NIBAN2: variants seen among roughly 807,000 people sequenced by gnomAD.
NIBAN2 encodes niban apoptosis regulator 2, also known as protein Niban 2.
A neutral mutation model predicts 81.8 loss-of-function variants in NIBAN2; 36 were observed. That is an observed-to-expected ratio of 0.44 (90% CI 0.34 to 0.58). The LOEUF (loss-of-function observed/expected upper bound fraction) is 0.58, where lower values mean the gene tolerates loss of function less well. NIBAN2 is among the 20% of genes least tolerant of loss of function. NIBAN2 has a pLI of 0.02. For missense variants in NIBAN2, 897 were observed against 1,014.1 expected (o/e 0.88, Z 1.57); for synonymous variants, 445 against 441.6 (o/e 1.01, Z -0.10).
rs557779254 is a variant in NIBAN2, at chr9:127,545,418, G to C, written c.56-13640C>G. 2.6e-5 allele frequency among the ~76,000 whole-genome samples: 4 copies of C among 152,160 alleles called. No individual in the cohort carries two copies. Among genetic ancestry groups the C allele is most frequent in the African/African-American group, 9.6e-5 (4 of 41,456 alleles). On this transcript the variant is annotated intron_variant, in intron 1 of 13. Transcript: ENST00000373312. The surrounding 1 kb of genome is among the most constrained non-coding windows in gnomAD (Gnocchi z 4.7). ...AGCACCCAGCTCCCGCCAGGCCCAG[G>C]GGGGTGCTTGATAAACAAGTGCCGA...
chr9:127,525,013 G>A (rs776545662), intron 4 of NIBAN2, 45 bp downstream of exon 4: 1 of 1,481,988 alleles, frequency 6.7e-7, no homozygotes, highest in Non-Finnish European at 9.4e-7. Context: ...GCCAGCTCCA[G>A]ATGCCTGTGC....
intron 4 of NIBAN2, among the ~76,000 whole-genome samples, chr9:127,524,491 C>G (rs576910122): frequency 1.3e-5 from 2 of 152,216 alleles, no homozygotes; most frequent in South Asian, 4.1e-4. Flanking sequence ...TTTGTAGACA[C>G]TGAAGAGGCT....
At chr9:127,573,086 G>A (rs940655868), upstream of NIBAN2, among the ~76,000 whole-genome samples, 9 of 152,136 alleles carry the variant, frequency 5.9e-5, no homozygotes, top group African/African-American at 1.4e-4. Flanking sequence ...ATATTCCATT[G>A]TATGTATACA....
intron 1 of NIBAN2, among the ~76,000 whole-genome samples, chr9:127,533,612 C>G (rs139835356): frequency 5.9e-5 from 9 of 152,126 alleles, no homozygotes; most frequent in Non-Finnish European, 1.3e-4. Context: ...CCAGCCTGGG[C>G]GACAGAGCGA....
At chr9:127,518,205 C>T (rs924855901) in intron 5 of NIBAN2, among the ~76,000 whole-genome samples, 2 of 152,230 alleles carry the variant, frequency 1.3e-5, no homozygotes, top group Admixed American at 6.5e-5. Context: ...CACCCCAAGA[C>T]CTGGGCACTA....
At chr9:127,509,551 A>G (rs2132152152) in intron 9 of NIBAN2, among the ~76,000 whole-genome samples, 1 of 152,116 alleles carries the variant, frequency 6.6e-6, no homozygotes, top group East Asian at 1.9e-4. Flanking sequence ...CCCATTTCAG[A>G]GTATAAAGGA....
chr9:127,552,694 T>TG (rs1348941394), intron 1 of NIBAN2, among the ~76,000 whole-genome samples: 2 of 141,632 alleles, frequency 1.4e-5, no homozygotes, highest in East Asian at 4.1e-4. Context: ...GTTTTTTTTT[T>TG]TTTTTTTTTT....
intron 8 of NIBAN2, among the ~76,000 whole-genome samples, chr9:127,513,035 C>G (rs946518871): frequency 3.3e-5 from 5 of 152,018 alleles, no homozygotes; most frequent in Admixed American, 3.3e-4. Flanking sequence ...ACTATTCAGC[C>G]GTAAAAAAGA....
At chr9:127,512,590 T>G (rs1377794465) in intron 8 of NIBAN2, among the ~76,000 whole-genome samples, 2 of 152,178 alleles carry the variant, frequency 1.3e-5, no homozygotes, top group African/African-American at 4.8e-5. Context: ...CCGGCCCATT[T>G]TACGTATGTT....
intron 3 of NIBAN2, among the ~76,000 whole-genome samples, chr9:127,526,743 CACCT>C (rs1837073461): frequency 6.6e-6 from 1 of 152,160 alleles, no homozygotes; most frequent in Non-Finnish European, 1.5e-5. Context: ...CCTTCTCGGA[CACCT>C]ACCCACCTGT....
At chr9:127,549,082 A>T (rs1201715010) in intron 1 of NIBAN2, among the ~76,000 whole-genome samples, 1 of 151,956 alleles carries the variant, frequency 6.6e-6, no homozygotes, top group Admixed American at 6.6e-5. Flanking sequence ...ACCCTGCCTG[A>T]CTCCCAGGAA....
chr9:127,562,556 T>C (rs944709065), intron 1 of NIBAN2, among the ~76,000 whole-genome samples: 4 of 152,116 alleles, frequency 2.6e-5, no homozygotes, highest in African/African-American at 9.7e-5. Flanking sequence ...GAGGCCATGG[T>C]CATCAGTCCC....
At chr9:127,540,494 GTGCTAAGCATTT>G (rs779371296) in intron 1 of NIBAN2, among the ~76,000 whole-genome samples, 1 of 152,226 alleles carries the variant, frequency 6.6e-6, no homozygotes, top group Non-Finnish European at 1.5e-5. Flanking sequence ...TGCCGCTCCT[GTGCTAAGCATTT>G]TGCTTGGACA....
chr9:127,531,544 A>T, intron 2 of NIBAN2, 104 bp downstream of exon 2: 2 of 1,118,822 alleles, frequency 1.8e-6, no homozygotes, highest in Non-Finnish European at 2.6e-6. Context: ...AGAGGCCATC[A>T]CAGTAACAAT....
chr9:127,555,630 T>G (rs1408023326), intron 1 of NIBAN2, among the ~76,000 whole-genome samples: 1 of 152,182 alleles, frequency 6.6e-6, no homozygotes, highest in East Asian at 1.9e-4. Flanking sequence ...GACGAGATCC[T>G]GAGGCCCCAG....
chr9:127,530,809 GA>G (rs1837164369), intron 2 of NIBAN2, among the ~76,000 whole-genome samples: 1 of 152,140 alleles, frequency 6.6e-6, no homozygotes, highest in Non-Finnish European at 1.5e-5. Context: ...GATGGTGGAG[GA>G]GGTGAGCTAG....
At chr9:127,524,405 G>T (rs1200629512) in intron 4 of NIBAN2, among the ~76,000 whole-genome samples, 3 of 152,198 alleles carry the variant, frequency 2.0e-5, no homozygotes, top group Non-Finnish European at 4.4e-5. Flanking sequence ...TCTTCTTTCT[G>T]CCCTGGCTCT....
chr9:127,510,975 C>T (rs1321368076), intron 8 of NIBAN2, among the ~76,000 whole-genome samples: 2 of 152,118 alleles, frequency 1.3e-5, no homozygotes, highest in Non-Finnish European at 2.9e-5. Flanking sequence ...TCTCATCACC[C>T]AAGTAATGAG....
At chr9:127,553,109 T>C (rs1837608253) in intron 1 of NIBAN2, among the ~76,000 whole-genome samples, 1 of 152,242 alleles carries the variant, frequency 6.6e-6, no homozygotes, top group Non-Finnish European at 1.5e-5. Context: ...GGTAGGATTA[T>C]CGGTGATTTT....
Sources: gnomAD v4.1 joint callset for allele counts (sites outside exome capture counted in the v4.1 genomes callset) on GRCh38, gnomAD v4.1.1 for gene constraint, Gnocchi (gnomAD v3.1) non-coding constraint, MANE v1.5 for transcripts, NCBI Gene and HGNC (gene_info 2026-07-23, HGNC 2026-07-21) for gene names.